The following XKRX variants were observed in gnomAD, a reference collection of about 807,000 sequenced individuals.
The protein encoded by XKRX is XK-related protein 2.
XKRX carries 11 observed loss-of-function variants against 22.4 expected under a neutral mutation model. The observed-to-expected ratio is 0.49, with a 90% confidence interval of 0.31 to 0.81. XKRX has a LOEUF of 0.81. XKRX is among the 40% of genes least tolerant of loss of function. The pLI is 0.05. For missense variants in XKRX, 320 were observed against 336.5 expected (o/e 0.95, Z 0.38); for synonymous variants, 114 against 132.2 (o/e 0.86, Z 0.94).
intron 2 of XKRX, among the ~76,000 whole-genome samples, chrX:100,921,318 G>A (rs747698534): frequency 4.5e-5 from 5 of 111,462 alleles, no homozygotes; most frequent in Non-Finnish European, 7.5e-5. Context: ...GATTACAGGC[G>A]TGAGCCATCA....
chrX:100,889,936 C>T, the XKRX span, among the ~76,000 whole-genome samples: 10 of 111,618 alleles, frequency 9.0e-5, no homozygotes, highest in East Asian at 8.4e-4. Flanking sequence ...CCCAGGAGGT[C>T]GAGACTGCAG....
At chrX:100,938,623 T>C in the XKRX span, among the ~76,000 whole-genome samples, 2 of 111,196 alleles carry the variant, frequency 1.8e-5, no homozygotes, top group African/African-American at 6.6e-5. Context: ...AGCAAGACTC[T>C]GTCTCAAACA....
chrX:100,890,144 G>A, the XKRX span, among the ~76,000 whole-genome samples: 1 of 111,521 alleles, frequency 9.0e-6, no homozygotes, highest in Admixed American at 9.5e-5. Context: ...GTGGGGAGAG[G>A]TAAGTTCAGA....
intron 1 of XKRX, among the ~76,000 whole-genome samples, chrX:100,926,877 CAA>C (rs2085500041): frequency 8.9e-6 from 1 of 111,844 alleles, no homozygotes; most frequent in South Asian, 3.7e-4. Flanking sequence ...CAGAAATATA[CAA>C]AGAGATAAAT....
chrX:100,939,721 T>C, the XKRX span, among the ~76,000 whole-genome samples: 4 of 112,254 alleles, frequency 3.6e-5, no homozygotes, highest in African/African-American at 1.3e-4. Context: ...TCAAATTTTA[T>C]TTCCACTATC....
downstream of XKRX, chrX:100,911,280 C>A (rs903749654): frequency 1.5e-5 from 16 of 1,087,016 alleles, no homozygotes; most frequent in Non-Finnish European, 1.9e-5. Context: ...CTGAAAGCCA[C>A]CTTTTGCTTA....
At chrX:100,913,070 C>T (rs774061022), downstream of XKRX, among the ~76,000 whole-genome samples, 22 of 108,970 alleles carry the variant, frequency 2.0e-4, 1 homozygote, top group African/African-American at 4.0e-4. Context: ...TGGTGGCGGG[C>T]GCCTGTAATC....
upstream of XKRX, among the ~76,000 whole-genome samples, chrX:100,931,783 A>T (rs1057152198): frequency 1.8e-5 from 2 of 110,293 alleles, no homozygotes; most frequent in African/African-American, 6.6e-5. Flanking sequence ...ACCATGCAAG[A>T]CTCAGACACA....
intron 2 of XKRX, 145 bp downstream of exon 2, chrX:100,922,648 G>T: frequency 1.7e-6 from 1 of 577,899 alleles, no homozygotes; most frequent in Non-Finnish European, 2.6e-6. Context: ...AATGTAGCTA[G>T]TATTAATGAA....
chrX:100,908,213 C>A, the XKRX span, among the ~76,000 whole-genome samples: 2,378 of 107,885 alleles, frequency 0.022, 65 homozygotes, highest in African/African-American at 0.077. Context: ...ACCTCCTGGG[C>A]TCAAGCGATT....
At chrX:100,955,013 A>G in the XKRX span, among the ~76,000 whole-genome samples, 3 of 112,168 alleles carry the variant, frequency 2.7e-5, no homozygotes, top group African/African-American at 9.7e-5. Flanking sequence ...ATTCTTTAAT[A>G]TACTAAAAAA....
At chrX:100,900,946 C>G in the XKRX span, among the ~76,000 whole-genome samples, 4 of 108,778 alleles carry the variant, frequency 3.7e-5, no homozygotes, top group African/African-American at 1.3e-4. Context: ...CCCACCACCA[C>G]GCCTGGCTAA....
chrX:100,896,811 C>T, the XKRX span, among the ~76,000 whole-genome samples: 2 of 111,034 alleles, frequency 1.8e-5, no homozygotes, highest in African/African-American at 3.3e-5. Context: ...GCCTGGGAGA[C>T]AGAGTGACAC....
At chrX:100,940,295 C>T in the XKRX span, among the ~76,000 whole-genome samples, 1 of 111,756 alleles carries the variant, frequency 8.9e-6, no homozygotes, top group African/African-American at 3.2e-5. Context: ...GCTAAAATCA[C>T]TTAGGTAGTA....
the XKRX span, among the ~76,000 whole-genome samples, chrX:100,941,532 G>C: frequency 5.4e-5 from 6 of 111,428 alleles, no homozygotes; most frequent in Admixed American, 9.5e-5. Context: ...CTGGGTGATA[G>C]AGCCAGACTC....
the XKRX span, among the ~76,000 whole-genome samples, chrX:100,942,908 C>T: frequency 8.3e-3 from 928 of 111,346 alleles, 8 homozygotes; most frequent in African/African-American, 0.029. Flanking sequence ...AGCAACCTTG[C>T]CCCCTGCCTT....
At chrX:100,930,359 C>A (rs1244524612), upstream of XKRX, among the ~76,000 whole-genome samples, 3 of 109,619 alleles carry the variant, frequency 2.7e-5, no homozygotes, top group Non-Finnish European at 5.7e-5. Context: ...GTGCCAATCT[C>A]CTTTTGCTGC....
chrX:100,909,060 C>A (rs955336277), downstream of XKRX, among the ~76,000 whole-genome samples: 20 of 111,842 alleles, frequency 1.8e-4, no homozygotes, highest in African/African-American at 6.5e-4. Context: ...ATTGGTTGTT[C>A]CTGGAGTCAG....
the XKRX span, among the ~76,000 whole-genome samples, chrX:100,943,292 G>A: frequency 8.9e-6 from 1 of 111,994 alleles, no homozygotes; most frequent in Non-Finnish European, 1.9e-5. Flanking sequence ...ATAGGATATT[G>A]TTTTATGTTT....
Sources: gnomAD v4.1 joint callset for allele counts (sites outside exome capture counted in the v4.1 genomes callset) on GRCh38, gnomAD v4.1.1 for gene constraint, MANE v1.5 for transcripts, NCBI Gene and HGNC (gene_info 2026-07-23, HGNC 2026-07-21) for gene names.